The following ANK3 variants were observed in gnomAD, a reference collection of about 807,000 sequenced individuals.
ANK3 encodes ankyrin-3.
In ANK3, 57 loss-of-function variants were observed where a neutral mutation model predicts 370.9. The observed-to-expected ratio is 0.15, with a 90% CI of 0.12 to 0.19. The LOEUF (loss-of-function observed/expected upper bound fraction) is 0.19, where lower values mean the gene tolerates loss of function less well. ANK3 is among the 10% of genes least tolerant of loss of function. ANK3 has a pLI of 1.00. For missense variants in ANK3, 4,439 were observed against 5,302.1 expected, an observed-to-expected ratio of 0.84 and a Z score of 5.06; for synonymous variants, 1,929 against 1,946.3, an observed-to-expected ratio of 0.99 and a Z score of 0.23.
At chr10:60,115,720 C>A (rs892353341) in intron 25 of ANK3, among the ~76,000 whole-genome samples, 1 of 151,374 alleles carries the variant, frequency 6.6e-6, no homozygotes, top group Admixed American at 6.6e-5. Context: ...TAAGTTAGAG[C>A]CCTAAATGGA....
At chr10:60,106,235 A>C (rs974928674) in intron 27 of ANK3, among the ~76,000 whole-genome samples, 176 bp from the exon 28 acceptor site, 4 of 152,190 alleles carry the variant, frequency 2.6e-5, no homozygotes, top group African/African-American at 9.6e-5. Context: ...AAGCCTGAAA[A>C]CATGCCATCA....
At chr10:60,654,334 A>T (rs2078833740) in intron 1 of ANK3, among the ~76,000 whole-genome samples, 1 of 152,176 alleles carries the variant, frequency 6.6e-6, no homozygotes, top group Non-Finnish European at 1.5e-5. Flanking sequence ...TAGGATCTCC[A>T]GTACCGTGTT....
At chr10:60,169,231 T>C (rs1478406658) in intron 21 of ANK3, among the ~76,000 whole-genome samples, 3 of 152,152 alleles carry the variant, frequency 2.0e-5, no homozygotes, top group East Asian at 1.9e-4. Context: ...TTGTAATAAT[T>C]GCCATTCTGA....
At chr10:60,295,000 G>C (rs72822238) in intron 1 of ANK3, among the ~76,000 whole-genome samples, 6 of 152,246 alleles carry the variant, frequency 3.9e-5, no homozygotes, top group Admixed American at 3.3e-4. Flanking sequence ...TAAGGTAACC[G>C]CTGGACTCTG....
intron 42 of ANK3, among the ~76,000 whole-genome samples, chr10:60,052,837 A>T (rs925398419): frequency 6.4e-5 from 6 of 93,114 alleles, no homozygotes; most frequent in Non-Finnish European, 1.4e-4. Flanking sequence ...GTATTTGTTT[A>T]AAAAAAAAAA....
chr10:60,281,457 A>T (rs764119810), intron 1 of ANK3, among the ~76,000 whole-genome samples: 2 of 152,222 alleles, frequency 1.3e-5, no homozygotes, highest in Admixed American at 1.3e-4. Flanking sequence ...TGCTTTAAAT[A>T]AACAGTAACC....
At chr10:60,339,043 G>C (rs1004335101) in intron 1 of ANK3, among the ~76,000 whole-genome samples, 16 of 152,080 alleles carry the variant, frequency 1.1e-4, no homozygotes, top group African/African-American at 3.6e-4. Flanking sequence ...GAGTGAAATA[G>C]AATGTGTGCT....
intron 16 of ANK3, among the ~76,000 whole-genome samples, chr10:60,188,020 C>G (rs959309484): frequency 1.7e-4 from 26 of 152,124 alleles, no homozygotes; most frequent in Non-Finnish European, 7.4e-5. Flanking sequence ...TAGTGGCACT[C>G]TTTTGTTTAT....
intron 28 of ANK3, among the ~76,000 whole-genome samples, chr10:60,098,297 T>G (rs1400909382): frequency 6.6e-6 from 1 of 152,202 alleles, no homozygotes; most frequent in Non-Finnish European, 1.5e-5. Context: ...AGTTATATTT[T>G]AAAAATAATT....
At chr10:60,659,533 C>A (rs1290212705) in intron 1 of ANK3, among the ~76,000 whole-genome samples, 1 of 151,964 alleles carries the variant, frequency 6.6e-6, no homozygotes, top group East Asian at 1.9e-4. Context: ...TGGAAGTAGT[C>A]GGCAGTTGTA....
At chr10:60,471,107 C>T (rs2065207935) in intron 2 of ANK3, among the ~76,000 whole-genome samples, 1 of 151,924 alleles carries the variant, frequency 6.6e-6, no homozygotes, top group African/African-American at 2.4e-5. Flanking sequence ...CAAAAAAGAC[C>T]CCAAATCACA....
intron 23 of ANK3, chr10:60,146,026 T>C (rs1292858107): frequency 5.6e-6 from 8 of 1,427,468 alleles, no homozygotes; most frequent in Non-Finnish European, 7.6e-6. Context: ...TATTACCTAT[T>C]CAAAAAATGA....
At position 60,294,676 on chromosome 10, in the gene ANK3, TA is replaced by T. The variant is rs201769024; in HGVS notation, c.115-15038del. 2.5e-3 allele frequency among the ~76,000 whole-genome samples: 379 copies of T among 152,296 alleles called. 2 individuals carry two copies. The highest frequency in any genetic ancestry group is 0.024 in the Middle Eastern group (7 of 294). On this transcript the variant is annotated intron_variant, in intron 1 of 43. Coordinates refer to ENST00000280772, the MANE Select transcript of ANK3 (RefSeq NM_020987.5). ...CTAAAGAAGTTCTTATTTGAATGTA[TA>T]AAAAATATTTTTAAAAACAAGGTTA...
chr10:60,621,541 T>G (rs1434984125), intron 1 of ANK3, among the ~76,000 whole-genome samples: 1 of 152,108 alleles, frequency 6.6e-6, no homozygotes, highest in Non-Finnish European at 1.5e-5. Flanking sequence ...TCTCCTGGGG[T>G]CGTGTAATTC....
chr10:60,469,169 G>GTA lies in ANK3; in HGVS notation c.96+146015_96+146016dup, dbSNP rs565922903. 1.8e-4 allele frequency among the ~76,000 whole-genome samples: 15 copies of GTA among 83,866 alleles called. 1 individual carries two copies. The highest frequency in any genetic ancestry group is 2.6e-4 in the Admixed American group (2 of 7,580). 55.0% of individuals were successfully genotyped at this position (83,866 alleles called of 152,430 possible). Reference sequence around the variant, plus strand: ...CCACTTTTAGTATATATGTGTGTGTGTATATATATATATACACCACTTTTA... The same window carrying GTA: ...CCACTTTTAGTATATATGTGTGTGTGTATATATATATATATACACCACTTTTA... On this transcript the variant is annotated intron_variant, in intron 2 of 43. Coordinates refer to the ANK3 transcript ENST00000373827.
chr10:60,096,882 T>C (rs1190407220), intron 28 of ANK3, among the ~76,000 whole-genome samples: 1 of 152,180 alleles, frequency 6.6e-6, no homozygotes, highest in Non-Finnish European at 1.5e-5. Context: ...AAGTAAACAA[T>C]AGAACATAAA....
chr10:60,154,020 C>A (rs962475432), intron 23 of ANK3, among the ~76,000 whole-genome samples: 5 of 152,158 alleles, frequency 3.3e-5, no homozygotes, highest in African/African-American at 9.7e-5. Flanking sequence ...ATACTAGGTT[C>A]TTGCGATAAA....
intron 1 of ANK3, among the ~76,000 whole-genome samples, chr10:60,658,936 AAAGAG>A (rs1245378696): frequency 6.6e-6 from 1 of 151,900 alleles, no homozygotes; most frequent in African/African-American, 2.4e-5. Context: ...GGAAAAAAGA[AAAGAG>A]AAAAAAGAGG....
intron 2 of ANK3, among the ~76,000 whole-genome samples, chr10:60,455,410 C>T (rs2064720884): frequency 6.6e-6 from 1 of 152,136 alleles, no homozygotes; most frequent in Admixed American, 6.6e-5. Context: ...TAATGAAAAT[C>T]TTTATTCAAA....
Sources: allele counts gnomAD v4.1 joint callset (sites outside exome capture counted in the v4.1 genomes callset), GRCh38; gene constraint gnomAD v4.1.1; transcripts MANE v1.5; gene names NCBI Gene and HGNC (gene_info 2026-07-23, HGNC 2026-07-21).